KLF13: variants seen among roughly 807,000 people sequenced by gnomAD.
KLF13 encodes the protein KLF transcription factor 13, also known as Krueppel-like factor 13.
Under a neutral mutation model 16.7 loss-of-function variants are expected in KLF13, and 8 were observed. That is an observed-to-expected ratio of 0.48 (90% CI 0.28 to 0.87). The LOEUF (loss-of-function observed/expected upper bound fraction) is 0.87. Among genes scored for constraint, KLF13 ranks in the 40% least tolerant of loss-of-function variants. KLF13 has a pLI of 0.10. For missense variants in KLF13, 447 were observed against 452.2 expected (o/e 0.99, Z 0.10); for synonymous variants, 245 against 208.4 (o/e 1.18, Z -1.51).
At chr15:31,435,033 C>T (rs1022987086) in intron 1 of KLF13, among the ~76,000 whole-genome samples, 1 of 152,234 alleles carries the variant, frequency 6.6e-6, no homozygotes, top group African/African-American at 2.4e-5. Flanking sequence ...GCCGTCGCAG[C>T]TCAGCCTCCT....
intron 2 of KLF13, among the ~76,000 whole-genome samples, chr15:31,397,013 T>G (rs1272728753): frequency 2.0e-5 from 3 of 152,004 alleles, no homozygotes; most frequent in Admixed American, 2.0e-4. Flanking sequence ...GGTTATAATT[T>G]TGCAGTGGTG....
intron 1 of KLF13, among the ~76,000 whole-genome samples, chr15:31,338,550 G>A (rs2038970577): frequency 6.6e-6 from 1 of 152,198 alleles, no homozygotes; most frequent in Non-Finnish European, 1.5e-5. Flanking sequence ...TACAAGAGCA[G>A]GGTAGGAAGC....
chr15:31,369,009 A>G (rs1171427390), intron 1 of KLF13, among the ~76,000 whole-genome samples: 1 of 152,178 alleles, frequency 6.6e-6, no homozygotes, highest in Non-Finnish European at 1.5e-5. Context: ...TTCTTGATTT[A>G]TCAAATTTAG....
intron 1 of KLF13, among the ~76,000 whole-genome samples, chr15:31,338,786 C>T (rs1045353244): frequency 3.3e-5 from 5 of 152,100 alleles, no homozygotes; most frequent in African/African-American, 7.2e-5. Flanking sequence ...AACTGAGCTC[C>T]TTGGCTGCCA....
At chr15:31,331,012 G>A (rs900770716) in intron 1 of KLF13, among the ~76,000 whole-genome samples, 1 of 152,368 alleles carries the variant, frequency 6.6e-6, no homozygotes, top group African/African-American at 2.4e-5. Context: ...CCTGCCTCTG[G>A]AGAGTCCTGC....
At chr15:31,380,036 G>A (rs60713662), downstream of KLF13, among the ~76,000 whole-genome samples, 4,310 of 152,256 alleles carry the variant, frequency 0.028, 212 homozygotes, top group African/African-American at 0.099. Context: ...AGTGGTTCAC[G>A]CCTGTAATCC....
At chr15:31,328,094 C>A (rs1045940647) in intron 1 of KLF13, among the ~76,000 whole-genome samples, 1 of 149,116 alleles carries the variant, frequency 6.7e-6, no homozygotes, top group African/African-American at 2.5e-5. Context: ...GGGCGGGGAC[C>A]CCTCCCGGCC....
chr15:31,327,290 G>A lies in KLF13; in HGVS notation c.78G>A (p.Gly26=). ...TGTCGAGCCGCGCGGTCGTGCACGGGCCGCGGGAGGGGCCGGAGTCCCGGC... is the reference window on the plus strand; with the variant it reads ...TGTCGAGCCGCGCGGTCGTGCACGGACCGCGGGAGGGGCCGGAGTCCCGGC... ...VSMSSRAVVH[G]PREGPESRPE... is the part of the protein sequence containing the mutation. Residue 26 remains glycine (G), a synonymous_variant, in exon 1 of 2, where the codon GGG becomes GGA. Transcript: ENST00000307145. The A allele has an allele frequency of 1.5e-6, 2 of 1,317,254 alleles. No individual in the cohort carries two copies. The highest frequency in any genetic ancestry group is 1.9e-6 in the Non-Finnish European group (2 of 1,035,688). The allele number at this position is 1,317,254 out of a possible 1,614,324, so 81.6% of individuals were successfully genotyped here. A position where few individuals can be genotyped will look rare whatever the true frequency, so the allele number is the denominator to read the frequency against.
At chr15:31,431,117 A>T (rs1169349050) in intron 1 of KLF13, among the ~76,000 whole-genome samples, 1 of 152,176 alleles carries the variant, frequency 6.6e-6, no homozygotes, top group African/African-American at 2.4e-5. Context: ...TTAAAAAAAG[A>T]GACACAAAAG....
chr15:31,372,472 A>G lies in KLF13; in HGVS notation c.*173A>G. On this transcript the variant is annotated 3_prime_UTR_variant, in exon 2 of 2. Transcript: ENST00000307145. ...AAAACAAAAAAAACACAAAAATTTC[A>G]AAAAACACCACCCACCAAATTGCAC... 1 of 723,180 alleles carries G rather than the reference A, an allele frequency of 1.4e-6. No individual in the cohort carries two copies. Among genetic ancestry groups the G allele is most frequent in the South Asian group, 2.4e-5 (1 of 41,146 alleles). The allele number at this position is 723,180 out of a possible 1,614,324, so 44.8% of individuals were successfully genotyped here.
At chr15:31,405,101 C>G (rs1014504758), downstream of KLF13, among the ~76,000 whole-genome samples, 2 of 152,124 alleles carry the variant, frequency 1.3e-5, no homozygotes, top group African/African-American at 4.8e-5. Flanking sequence ...GAGGAGGAAA[C>G]TTTGGGAGGT....
chr15:31,428,598 A>C (rs1434897558), intron 1 of KLF13, among the ~76,000 whole-genome samples: 2 of 152,024 alleles, frequency 1.3e-5, no homozygotes, highest in Non-Finnish European at 2.9e-5. Flanking sequence ...CAAGGTCAGG[A>C]GATCAAGACC....
intron 1 of KLF13, among the ~76,000 whole-genome samples, chr15:31,428,047 A>C (rs1211609634): frequency 1.3e-5 from 2 of 152,224 alleles, no homozygotes; most frequent in African/African-American, 4.8e-5. Context: ...AAAAAAAGAC[A>C]TGTTGTCTTA....
downstream of KLF13, among the ~76,000 whole-genome samples, chr15:31,406,234 T>C (rs2040127420): frequency 6.6e-6 from 1 of 152,134 alleles, no homozygotes; most frequent in South Asian, 2.1e-4. Flanking sequence ...AATAGCACTT[T>C]GGGAGGCCAA....
chr15:31,357,092 C>T (rs1165774969), intron 1 of KLF13, among the ~76,000 whole-genome samples: 1 of 152,208 alleles, frequency 6.6e-6, no homozygotes, highest in East Asian at 1.9e-4. Flanking sequence ...GTGTTCTCTC[C>T]CAACCCTGCT....
At position 31,375,448 on chromosome 15, in the gene KLF13, A is replaced by G. The variant is rs1173173175; in HGVS notation, c.*3149A>G. 1 of 152,220 alleles carries G rather than the reference A, an allele frequency of 6.6e-6. No homozygotes were observed. The highest frequency in any genetic ancestry group is 2.4e-5 in the African/African-American group (1 of 41,444). The allele number at this position is 152,220 out of a possible 1,614,324, so 9.4% of individuals were successfully genotyped here. A position where few individuals can be genotyped will look rare whatever the true frequency, so the allele number is the denominator to read the frequency against. ...CTTGCCAGTTTTGGTGGGGTTGAGG[A>G]ACCCATAGGACTCATAGAAATAATA... On this transcript the variant is annotated 3_prime_UTR_variant, in exon 2 of 2. Transcript: ENST00000307145.
At chr15:31,427,641 T>G (rs991110811) in intron 1 of KLF13, among the ~76,000 whole-genome samples, 2 of 152,210 alleles carry the variant, frequency 1.3e-5, no homozygotes, top group African/African-American at 4.8e-5. Context: ...TCTCACACTG[T>G]TATAAAGAAA....
intron 1 of KLF13, among the ~76,000 whole-genome samples, chr15:31,345,166 G>GC (rs2039091951): frequency 6.6e-6 from 1 of 152,230 alleles, no homozygotes; most frequent in Non-Finnish European, 1.5e-5. Flanking sequence ...GCCAGGAGAG[G>GC]AGCAGGACAG....
At chr15:31,328,870 C>T (rs1052159497) in intron 1 of KLF13, among the ~76,000 whole-genome samples, 2 of 152,226 alleles carry the variant, frequency 1.3e-5, no homozygotes, top group East Asian at 1.9e-4. Flanking sequence ...ACACTCACCT[C>T]TTCTACCTTG....
Sources: allele counts gnomAD v4.1 joint callset (sites outside exome capture counted in the v4.1 genomes callset), GRCh38; gene constraint gnomAD v4.1.1; transcripts MANE v1.5; gene names NCBI Gene and HGNC (gene_info 2026-07-23, HGNC 2026-07-21).